PLEKHA7: variants seen among roughly 807,000 people sequenced by gnomAD.
PLEKHA7 encodes the protein pleckstrin homology domain-containing family A member 7.
Under a neutral mutation model 170.0 loss-of-function variants are expected in PLEKHA7, and 104 were observed. The ratio of observed to expected loss-of-function variants is 0.61; its 90% CI spans 0.52 to 0.72. The LOEUF (loss-of-function observed/expected upper bound fraction) is 0.72. Ranked by LOEUF, PLEKHA7 falls within the 30% of genes least tolerant of loss-of-function variation. PLEKHA7 has a pLI of 0.00. For missense variants in PLEKHA7, 1,615 were observed against 1,671.7 expected, an observed-to-expected ratio of 0.97 and a Z score of 0.59; for synonymous variants, 648 against 660.8, an observed-to-expected ratio of 0.98 and a Z score of 0.30.
At chr11:16,869,938 G>A (rs1314419676) in intron 4 of PLEKHA7, among the ~76,000 whole-genome samples, 1 of 152,118 alleles carries the variant, frequency 6.6e-6, no homozygotes, top group Non-Finnish European at 1.5e-5. Context: ...ACATCTATTT[G>A]TTACTTTCCA....
chr11:16,922,051 G>C (rs974401250), intron 3 of PLEKHA7, among the ~76,000 whole-genome samples: 18 of 152,140 alleles, frequency 1.2e-4, no homozygotes, highest in African/African-American at 4.1e-4. Context: ...GTTCTCCAAG[G>C]CCTCTTTGAA....
At chr11:16,801,498 C>A (rs943997052) in intron 16 of PLEKHA7, among the ~76,000 whole-genome samples, 170 bp downstream of exon 16, 55 of 152,174 alleles carry the variant, frequency 3.6e-4, no homozygotes, top group African/African-American at 1.1e-3. Context: ...AGACATGTCA[C>A]CCCCAGACAA....
At chr11:16,907,974 G>A (rs1340600763) in intron 3 of PLEKHA7, among the ~76,000 whole-genome samples, 2 of 150,010 alleles carry the variant, frequency 1.3e-5, no homozygotes, top group African/African-American at 4.9e-5. Context: ...CCCCAACCCT[G>A]TGCTCTCTGA....
At chr11:16,895,875 A>G (rs1349189553) in intron 3 of PLEKHA7, among the ~76,000 whole-genome samples, 5 of 152,216 alleles carry the variant, frequency 3.3e-5, no homozygotes, top group African/African-American at 1.2e-4. Context: ...CTGAGCCAAG[A>G]AGAGAATCTG....
intron 8 of PLEKHA7, chr11:16,842,119 G>C (rs1852011898): frequency 5.7e-6 from 1 of 176,742 alleles, no homozygotes; most frequent in Non-Finnish European, 1.2e-5. Context: ...AATCAGACAA[G>C]AATTGACTCA....
rs1236002268 is a variant in PLEKHA7, at chr11:16,826,538, ACT to A, written c.923_924del (p.Glu308ValfsTer22). ...CCCACCCGGCCACATTCGTGACAGG[ACT>A]CTGTGTGGTTGGCCTGGGGGACAGC... ...RQAVPQANHT[E>X]SCHECGRVGP... On this transcript the variant is annotated frameshift_variant, in exon 10 of 27. Transcript: ENST00000531066. LOFTEE classifies it high-confidence loss of function. 3 of 1,613,790 alleles carry A rather than the reference ACT, an allele frequency of 1.9e-6. No homozygotes were observed. The highest frequency in any genetic ancestry group is 2.5e-6 in the Non-Finnish European group (3 of 1,179,946).
intron 3 of PLEKHA7, among the ~76,000 whole-genome samples, chr11:16,881,818 G>A (rs890906397): frequency 6.6e-6 from 1 of 152,126 alleles, no homozygotes; most frequent in African/African-American, 2.4e-5. Flanking sequence ...GTCAGGGCAG[G>A]GAAAGGTTTG....
chr11:16,958,781 T>C (rs1256341409), intron 3 of PLEKHA7, among the ~76,000 whole-genome samples: 1 of 152,172 alleles, frequency 6.6e-6, no homozygotes, highest in Non-Finnish European at 1.5e-5. Flanking sequence ...GGATTATAGG[T>C]GACTTATTTT....
At chr11:16,964,186 A>G (rs1189241700) in intron 3 of PLEKHA7, among the ~76,000 whole-genome samples, 1 of 152,168 alleles carries the variant, frequency 6.6e-6, no homozygotes, top group Non-Finnish European at 1.5e-5. Context: ...AATTATATGT[A>G]TATATCACAT....
At chr11:16,991,702 G>A (rs1216280593) in intron 3 of PLEKHA7, among the ~76,000 whole-genome samples, 1 of 152,178 alleles carries the variant, frequency 6.6e-6, no homozygotes, top group African/African-American at 2.4e-5. Flanking sequence ...GGCCTCATGG[G>A]CCACGAAGGA....
At chr11:16,812,124 T>G (rs746310262) in intron 13 of PLEKHA7, among the ~76,000 whole-genome samples, 6 of 152,224 alleles carry the variant, frequency 3.9e-5, no homozygotes, top group Non-Finnish European at 8.8e-5. Context: ...TCAAATTTTT[T>G]TCTGCATCTC....
intron 26 of PLEKHA7, among the ~76,000 whole-genome samples, chr11:16,782,389 C>T (rs905150403): frequency 2.0e-5 from 3 of 152,208 alleles, no homozygotes; most frequent in African/African-American, 2.4e-5. Flanking sequence ...TTCCTGCCCC[C>T]TTCTTCATGA....
rs969584022 is a variant in PLEKHA7 at position 16,875,380 on chromosome 11, T to C, written c.222-4198A>G. Among the ~76,000 whole-genome samples the C allele has an allele frequency of 2.6e-5, 4 of 151,574 alleles. 1 individual carries two copies. Among genetic ancestry groups the C allele is most frequent in the African/African-American group, 9.7e-5 (4 of 41,248 alleles). ...TTTTTTTTTTTTTCAAAAAGACTCA[T>C]ACATTGAGAAAAGAGATGAACCAGA... On this transcript the variant is annotated intron_variant, in intron 3 of 26. Transcript: ENST00000531066.
intron 20 of PLEKHA7, 24 bp from the exon 21 acceptor site, chr11:16,790,939 G>A (rs762288974): frequency 6.8e-6 from 11 of 1,613,736 alleles, no homozygotes; most frequent in Admixed American, 6.7e-5. Context: ...CCCAGGTGAT[G>A]TGACCTGCCA....
intron 3 of PLEKHA7, among the ~76,000 whole-genome samples, chr11:17,010,840 A>G (rs2137133715): frequency 6.6e-6 from 1 of 152,308 alleles, no homozygotes; most frequent in Middle Eastern, 3.4e-3. Context: ...GAAATCAGAC[A>G]ACAGTAAAAC....
chr11:16,834,246 T>G (rs1354159217), intron 9 of PLEKHA7, among the ~76,000 whole-genome samples: 1 of 152,150 alleles, frequency 6.6e-6, no homozygotes, highest in Non-Finnish European at 1.5e-5. Context: ...CTTCAGGTGA[T>G]CCGCCTGCCT....
chr11:16,782,486 C>CT (rs1236684158), intron 26 of PLEKHA7, among the ~76,000 whole-genome samples: 2 of 152,242 alleles, frequency 1.3e-5, no homozygotes, highest in Non-Finnish European at 2.9e-5. Flanking sequence ...AGCAGCACCA[C>CT]TCCTCCTGGG....
rs142738766 is a variant in PLEKHA7, at chr11:16,899,603, G to A, written c.222-28421C>T. ...CTGGGTAATTTTCTCTGCCAACTCA[G>A]TGTAGGAATGAGGCCTGGGAAAGGG... On this transcript the variant is annotated intron_variant, in intron 3 of 26. Coordinates refer to ENST00000531066, the MANE Select transcript of PLEKHA7 (RefSeq NM_001329630.2). 7.2e-5 allele frequency among the ~76,000 whole-genome samples: 11 copies of A among 152,324 alleles called. No individual in the cohort carries two copies. The East Asian group carries it at 1.9e-3, about 27-fold the overall frequency.
chr11:16,845,053 A>C (rs1174323363), intron 8 of PLEKHA7, among the ~76,000 whole-genome samples: 1 of 152,228 alleles, frequency 6.6e-6, no homozygotes, highest in Non-Finnish European at 1.5e-5. Flanking sequence ...CTGTGAGGAG[A>C]ACAGGGGAGC....
Sources: gnomAD v4.1 joint callset for allele counts (sites outside exome capture counted in the v4.1 genomes callset) on GRCh38, gnomAD v4.1.1 for gene constraint, MANE v1.5 for transcripts, NCBI Gene and HGNC (gene_info 2026-07-23, HGNC 2026-07-21) for gene names.